Variants in RBMS1 observed in about 807,000 individuals in gnomAD.
RBMS1 encodes the protein RNA-binding motif, single-stranded-interacting protein 1.
A neutral mutation model predicts 62.3 loss-of-function variants in RBMS1; 17 were observed. The observed-to-expected ratio is 0.27, with a 90% CI of 0.19 to 0.41. RBMS1 has a LOEUF of 0.41. Ranked by LOEUF, RBMS1 falls within the 10% of genes least tolerant of loss-of-function variation. The probability of loss-of-function intolerance (pLI) is 1.00; values close to 1 mark genes in which losing one functional copy is unlikely to be tolerated. For missense variants in RBMS1, 334 were observed against 504.5 expected, an observed-to-expected ratio of 0.66 and a Z score of 3.24; for synonymous variants, 172 against 170.0, an observed-to-expected ratio of 1.01 and a Z score of -0.09.
intron 2 of RBMS1, among the ~76,000 whole-genome samples, chr2:160,329,354 G>A (rs906413337): frequency 6.6e-6 from 1 of 152,168 alleles, no homozygotes; most frequent in Non-Finnish European, 1.5e-5. Flanking sequence ...AAACTTAGAC[G>A]TTTGGCTCAA....
rs138600000 is a variant in RBMS1, at chr2:160,313,746, A to T, written c.311-499T>A. Reference sequence around the variant, plus strand: ...ATAAGTACAACTATTAGACACCCCCAATATAAAATAATCTAAAGTTTAGTA... The same window carrying T: ...ATAAGTACAACTATTAGACACCCCCTATATAAAATAATCTAAAGTTTAGTA... On this transcript the variant is annotated intron_variant, in intron 3 of 13. Coordinates refer to ENST00000348849, the MANE Select transcript of RBMS1 (RefSeq NM_016836.4). Among the ~76,000 whole-genome samples, 213 of 152,276 alleles carry T rather than the reference A, an allele frequency of 1.4e-3. 1 individual carries two copies. The highest frequency in any genetic ancestry group is 3.1e-3 in the Admixed American group (47 of 15,288).
At chr2:160,295,088 C>G (rs1688870192) in intron 6 of RBMS1, among the ~76,000 whole-genome samples, 1 of 151,642 alleles carries the variant, frequency 6.6e-6, no homozygotes, top group Non-Finnish European at 1.5e-5. Flanking sequence ...TGTGGGTTTT[C>G]AAGTCTACTG....
intron 2 of RBMS1, among the ~76,000 whole-genome samples, chr2:160,356,995 A>G: frequency 6.6e-6 from 1 of 152,118 alleles, no homozygotes; most frequent in African/African-American, 2.4e-5. Flanking sequence ...AAAGTTATAC[A>G]TTTCTGAGAT....
intron 1 of RBMS1, among the ~76,000 whole-genome samples, chr2:160,387,256 A>G (rs2105202371): frequency 6.6e-6 from 1 of 152,306 alleles, no homozygotes; most frequent in South Asian, 2.1e-4. Context: ...GTAAATGGGA[A>G]AAGACTGAGG....
chr2:160,290,061 AGT>A (rs545183154), intron 6 of RBMS1, among the ~76,000 whole-genome samples: 23 of 137,120 alleles, frequency 1.7e-4, no homozygotes, highest in Non-Finnish European at 2.7e-4. Flanking sequence ...CTTATTTTTA[AGT>A]GTGTGTGAGC....
intron 7 of RBMS1, among the ~76,000 whole-genome samples, chr2:160,286,085 T>C (rs1237317980): frequency 1.3e-5 from 2 of 151,858 alleles, no homozygotes; most frequent in South Asian, 2.1e-4. Flanking sequence ...CCCTCCAGCC[T>C]GAGCGACAGA....
intron 10 of RBMS1, 82 bp from the exon 11 acceptor site, chr2:160,278,740 A>T: frequency 2.4e-6 from 2 of 835,182 alleles, no homozygotes; most frequent in Non-Finnish European, 3.7e-6. Context: ...CAAAGGAAAT[A>T]CCTTAGTTTG....
At chr2:160,402,554 T>C (rs894625337) in intron 1 of RBMS1, among the ~76,000 whole-genome samples, 5 of 152,240 alleles carry the variant, frequency 3.3e-5, no homozygotes, top group African/African-American at 1.2e-4. Flanking sequence ...ACTCAGTGTC[T>C]AGTATGTCAT....
At chr2:160,463,512 G>C (rs536090491) in intron 1 of RBMS1, among the ~76,000 whole-genome samples, 7 of 152,278 alleles carry the variant, frequency 4.6e-5, no homozygotes, top group African/African-American at 1.7e-4. Context: ...GGCCGGGCGC[G>C]GTGGCTCAGG....
chr2:160,469,634 C>G (rs533946117), intron 1 of RBMS1, among the ~76,000 whole-genome samples: 39 of 152,204 alleles, frequency 2.6e-4, no homozygotes, highest in Non-Finnish European at 4.6e-4. Flanking sequence ...CATTTCTACC[C>G]AGACCTTCTG....
At chr2:160,397,891 C>T (rs933448965) in intron 1 of RBMS1, among the ~76,000 whole-genome samples, 1 of 152,190 alleles carries the variant, frequency 6.6e-6, no homozygotes, top group African/African-American at 2.4e-5. Flanking sequence ...TTTTGTGCCA[C>T]TTCTTTCCTC....
intron 6 of RBMS1, among the ~76,000 whole-genome samples, chr2:160,298,745 C>A: frequency 6.6e-6 from 1 of 152,046 alleles, no homozygotes; most frequent in East Asian, 1.9e-4. Context: ...GTCCTAACAC[C>A]CAGCCCTCAG....
chr2:160,313,366 A>C, intron 3 of RBMS1, 119 bp from the exon 4 acceptor site: 1 of 928,156 alleles, frequency 1.1e-6, no homozygotes. Flanking sequence ...GTCCTGAGGG[A>C]GCTCAGGCGT....
chr2:160,372,538 AAGACAATGTC>A (rs1257819967), intron 1 of RBMS1, among the ~76,000 whole-genome samples: 1 of 152,252 alleles, frequency 6.6e-6, no homozygotes, highest in African/African-American at 2.4e-5. Context: ...GTACTATGTG[AAGACAATGTC>A]TGCTACACTT....
At chr2:160,277,408 T>C (rs1389661635) in intron 11 of RBMS1, 25 bp from the exon 12 acceptor site, 26 of 1,575,614 alleles carry the variant, frequency 1.7e-5, no homozygotes, top group African/African-American at 9.5e-5. Flanking sequence ...GAGGTCAGAA[T>C]GGGCAATGGT....
At chr2:160,293,012 C>T (rs1238103468) in intron 6 of RBMS1, among the ~76,000 whole-genome samples, 2 of 152,186 alleles carry the variant, frequency 1.3e-5, no homozygotes, top group African/African-American at 2.4e-5. Context: ...AGGTACAGCT[C>T]ATGATGCTGT....
chr2:160,493,542 T>TTCCTCCTCCTCCTCC lies in RBMS1; in HGVS notation c.-194_-180dup, dbSNP rs925937562. ...AGACGTCCTCCTCCTCCTCCTCCTC[T>TTCCTCCTCCTCCTCC]TCCTCCTCCTCCTCCTCCTCCTCCT... is the stretch of plus-strand genomic sequence containing the variant. On this transcript the variant is annotated 5_prime_UTR_variant, in exon 1 of 14. Transcript: ENST00000348849. 1.4e-5 allele frequency: 7 copies of TTCCTCCTCCTCCTCC among 494,938 alleles called. No individual in the cohort carries two copies. The highest frequency in any genetic ancestry group is 1.0e-4 in the African/African-American group (4 of 39,388). 30.7% of individuals were successfully genotyped at this position (494,938 alleles called of 1,614,324 possible). A position where few individuals can be genotyped will look rare whatever the true frequency, so the allele number is the denominator to read the frequency against.
intron 1 of RBMS1, among the ~76,000 whole-genome samples, chr2:160,468,480 T>C (rs968411277): frequency 2.6e-5 from 4 of 152,220 alleles, no homozygotes; most frequent in African/African-American, 9.6e-5. Flanking sequence ...ATTGGAAGTT[T>C]ATCTATGAAA....
At chr2:160,315,811 T>C (rs1174238536) in intron 3 of RBMS1, among the ~76,000 whole-genome samples, 3 of 152,222 alleles carry the variant, frequency 2.0e-5, no homozygotes, top group Admixed American at 2.0e-4. Flanking sequence ...GGCTAAACTT[T>C]GAGAGAAACT....
Sources: allele counts gnomAD v4.1 joint callset (sites outside exome capture counted in the v4.1 genomes callset), GRCh38; gene constraint gnomAD v4.1.1; transcripts MANE v1.5; gene names NCBI Gene and HGNC (gene_info 2026-07-23, HGNC 2026-07-21).